The following ZCCHC17 variants were observed in gnomAD, a reference collection of about 807,000 sequenced individuals.
ZCCHC17 encodes the protein zinc finger CCHC domain-containing protein 17.
ZCCHC17 carries 18 observed loss-of-function variants against 30.6 expected under a neutral mutation model. The ratio of observed to expected loss-of-function variants is 0.59; its 90% confidence interval spans 0.41 to 0.87. ZCCHC17 has a LOEUF of 0.87. ZCCHC17 is among the 40% of genes least tolerant of loss of function. The pLI is 0.00. For synonymous variants in ZCCHC17, 88 were observed against 92.4 expected (o/e 0.95, Z 0.27); for missense variants, 263 against 284.2 (o/e 0.93, Z 0.54).
At position 31,297,072 on chromosome 1, in the gene ZCCHC17, C is replaced by G; in HGVS notation, c.-59C>G. On this transcript the variant is annotated 5_prime_UTR_variant, in exon 1 of 8. Transcript: ENST00000344147. ...GCGACTCGGGGACCTGGAGCTGACG[C>G]CTAGTACGTATGAGGAAGAACGGGG... 2.3e-6 allele frequency: 1 copy of G among 436,864 alleles called. No individual in the cohort carries two copies. Among genetic ancestry groups the G allele is most frequent in the South Asian group, 5.7e-5 (1 of 17,604 alleles). The allele number at this position is 436,864 out of a possible 1,614,324, so 27.1% of individuals were successfully genotyped here.
rs2148491293 is a variant in ZCCHC17, at chr1:31,364,051, A to G, written c.584A>G (p.His195Arg). The part of the protein sequence containing the change: ...KRKKEKKKKK[H>R]RDRKSSDSDS... ...TTTCAGGAGAAGAAGAAAAAGAAAC[A>G]TAGAGATAGGAAGTCATCTGACTCT... Residue 195 changes from histidine (H) to arginine (R), a missense_variant, in exon 8 of 8, where the codon CAT becomes CGT. Coordinates refer to ENST00000344147, the MANE Select transcript of ZCCHC17 (RefSeq NM_016505.4). 1 of 1,612,338 alleles carries G rather than the reference A, an allele frequency of 6.2e-7. No individual in the cohort carries two copies. Among genetic ancestry groups the G allele is most frequent in the African/African-American group, 1.3e-5 (1 of 74,832 alleles).
intron 6 of ZCCHC17, 195 bp downstream of exon 6, chr1:31,346,935 C>A: frequency 1.6e-6 from 2 of 1,249,102 alleles, no homozygotes; most frequent in Non-Finnish European, 2.2e-6. Flanking sequence ...TGAGTGCTGG[C>A]CCTACCAGAT....
At chr1:31,336,984 T>C in intron 3 of ZCCHC17, 191 bp from the exon 4 acceptor site, 1 of 478,832 alleles carries the variant, frequency 2.1e-6, no homozygotes, top group Non-Finnish European at 3.7e-6. Flanking sequence ...ACTTTGAGCA[T>C]TATTTTAAGA....
intron 6 of ZCCHC17, among the ~76,000 whole-genome samples, chr1:31,347,968 C>G (rs1639335160): frequency 6.6e-6 from 1 of 151,964 alleles, no homozygotes; most frequent in South Asian, 2.1e-4. Context: ...GGATCTACCA[C>G]AAACTCAGAC....
At chr1:31,321,268 C>T (rs1646853923) in intron 3 of ZCCHC17, among the ~76,000 whole-genome samples, 1 of 151,888 alleles carries the variant, frequency 6.6e-6, no homozygotes, top group Non-Finnish European at 1.5e-5. Context: ...AAGGGGCTTC[C>T]CTTATAAAAC....
intron 7 of ZCCHC17, 140 bp from the exon 8 acceptor site, chr1:31,363,892 G>A: frequency 1.5e-6 from 2 of 1,348,524 alleles, no homozygotes; most frequent in Middle Eastern, 2.6e-4. Context: ...TGAACTCCTG[G>A]CCTCAAGCAT....
intron 3 of ZCCHC17, among the ~76,000 whole-genome samples, chr1:31,324,304 T>C (rs767564365): frequency 1.3e-5 from 2 of 152,154 alleles, no homozygotes; most frequent in Admixed American, 6.5e-5. Context: ...AAGACCCCAC[T>C]GATGGCGATG....
At chr1:31,305,419 A>G (rs1343380375) in intron 1 of ZCCHC17, among the ~76,000 whole-genome samples, 1 of 152,100 alleles carries the variant, frequency 6.6e-6, no homozygotes. Flanking sequence ...AGCTGGGACA[A>G]TAGGCAGGTG....
At chr1:31,311,824 C>A (rs10914350) in intron 2 of ZCCHC17, among the ~76,000 whole-genome samples, 118,113 of 152,206 alleles carry the variant, frequency 0.78, 46,196 homozygotes, top group African/African-American at 0.82. Context: ...TTAGTCCCCC[C>A]CGTGGGGGTA....
intron 7 of ZCCHC17, 112 bp downstream of exon 7, chr1:31,349,086 A>C (rs1326215451): frequency 4.1e-6 from 4 of 964,418 alleles, no homozygotes; most frequent in Non-Finnish European, 5.7e-6. Context: ...TTGGGAGGAT[A>C]AGGTGGGAGG....
At chr1:31,318,204 C>T in intron 2 of ZCCHC17, 1 of 1,535,098 alleles carries the variant, frequency 6.5e-7, no homozygotes, top group Non-Finnish European at 8.7e-7. Context: ...GATGAAGCAG[C>T]TAATTGAAGA....
At chr1:31,302,293 C>G (rs1366693931) in intron 1 of ZCCHC17, among the ~76,000 whole-genome samples, 4 of 150,306 alleles carry the variant, frequency 2.7e-5, no homozygotes, top group Admixed American at 2.6e-4. Context: ...GGACCTAGCT[C>G]CTTCTTCTTC....
At chr1:31,359,545 A>G (rs1256723924) in intron 7 of ZCCHC17, among the ~76,000 whole-genome samples, 1 of 152,116 alleles carries the variant, frequency 6.6e-6, no homozygotes, top group African/African-American at 2.4e-5. Context: ...TAAATAAATA[A>G]AATAGAAAAT....
intron 7 of ZCCHC17, 82 bp from the exon 8 acceptor site, chr1:31,363,950 A>G (rs921226752): frequency 3.2e-6 from 5 of 1,542,288 alleles, no homozygotes; most frequent in East Asian, 2.3e-5. Flanking sequence ...GGTGTGAGCC[A>G]CTGCACCTGG....
intron 2 of ZCCHC17, among the ~76,000 whole-genome samples, chr1:31,315,769 C>A (rs1646717834): frequency 6.6e-6 from 1 of 152,166 alleles, no homozygotes; most frequent in Non-Finnish European, 1.5e-5. Context: ...GAGATAGTTA[C>A]TGAATTTTTT....
At chr1:31,324,990 G>C (rs188204047) in intron 3 of ZCCHC17, among the ~76,000 whole-genome samples, 14 of 152,312 alleles carry the variant, frequency 9.2e-5, no homozygotes, top group Non-Finnish European at 1.6e-4. Flanking sequence ...CCATGGACCA[G>C]TCAGCACACA....
rs765856176 is a variant in ZCCHC17, at chr1:31,319,134, C to A, written c.92C>A (p.Ala31Asp). 4 of 1,610,120 alleles carry A rather than the reference C, an allele frequency of 2.5e-6. No individual in the cohort carries two copies. Among genetic ancestry groups the A allele is most frequent in the Non-Finnish European group, 3.4e-6 (4 of 1,177,266 alleles). The change falls in exon 3 of 8, where the codon GCC (alanine) becomes GAC (aspartate). Residue 31 changes from alanine to aspartate, a missense_variant. Ala to Asp is a moderately radical substitution (Grantham distance 126). Transcript: ENST00000344147. Reference sequence around the variant, plus strand: ...GTTGCTATGGTGACAGACTATGGGGCCTTTATCAAAATCCCAGGCTGTCGG... The same window carrying A: ...GTTGCTATGGTGACAGACTATGGGGACTTTATCAAAATCCCAGGCTGTCGG... ...GEVAMVTDYG[A>D]FIKIPGCRKQ...
chr1:31,349,806 A>AC (rs1351046141), intron 7 of ZCCHC17, among the ~76,000 whole-genome samples: 2 of 152,092 alleles, frequency 1.3e-5, no homozygotes, highest in African/African-American at 4.8e-5. Flanking sequence ...ATAATATTCT[A>AC]CCCTATGGCT....
chr1:31,314,198 A>G (rs1191309958), intron 2 of ZCCHC17, among the ~76,000 whole-genome samples: 4 of 152,184 alleles, frequency 2.6e-5, no homozygotes, highest in African/African-American at 9.7e-5. Context: ...TGGAGCTTGA[A>G]TTAGTGCAGG....
Sources: allele counts gnomAD v4.1 joint callset (sites outside exome capture counted in the v4.1 genomes callset), GRCh38; gene constraint gnomAD v4.1.1; transcripts MANE v1.5; gene names NCBI Gene and HGNC (gene_info 2026-07-23, HGNC 2026-07-21).